The following MYBPC1 variants were observed in gnomAD, a reference collection of about 807,000 sequenced individuals.
MYBPC1 encodes myosin binding protein C1.
In MYBPC1, 52 loss-of-function variants were observed where a neutral mutation model predicts 147.1. The ratio of observed to expected loss-of-function variants is 0.35; its 90% CI spans 0.28 to 0.45. MYBPC1 has a LOEUF of 0.45. Ranked by LOEUF, MYBPC1 falls within the 20% of genes least tolerant of loss-of-function variation. The pLI is 1.00. For synonymous variants in MYBPC1, 477 were observed against 475.9 expected (o/e 1.00, Z -0.03); for missense variants, 1,228 against 1,440.3 (o/e 0.85, Z 2.39).
chr12:101,671,801 C>T (rs886374416), intron 24 of MYBPC1, among the ~76,000 whole-genome samples: 2 of 152,100 alleles, frequency 1.3e-5, no homozygotes, highest in African/African-American at 2.4e-5. Flanking sequence ...GAACAGGGAC[C>T]GCATAGATCT....
At chr12:101,644,198 C>T (rs1593856657) in intron 11 of MYBPC1, among the ~76,000 whole-genome samples, 1 of 151,872 alleles carries the variant, frequency 6.6e-6, no homozygotes, top group Non-Finnish European at 1.5e-5. Flanking sequence ...CACCACACCC[C>T]ACTAATTTTT....
At chr12:101,682,417 G>A (rs1951068241) in intron 29 of MYBPC1, among the ~76,000 whole-genome samples, 187 bp from the exon 30 acceptor site, 1 of 152,112 alleles carries the variant, frequency 6.6e-6, no homozygotes, top group Non-Finnish European at 1.5e-5. Flanking sequence ...TAGTACATAA[G>A]TTCGTAATAA....
At chr12:101,668,473 A>G (rs1347193893) in intron 23 of MYBPC1, among the ~76,000 whole-genome samples, 1 of 151,320 alleles carries the variant, frequency 6.6e-6, no homozygotes, top group South Asian at 2.1e-4. Flanking sequence ...TCTTTTTTTT[A>G]TTTTTGAGAT....
rs931364200 is a variant in MYBPC1 at position 101,649,197 on chromosome 12, T to C, written c.1197-63T>C. ...CTTCAGGATATTGCAATAAGCAAGA[T>C]GGACAAGGTATTTTTCCTGAAGGAT... On this transcript the variant is annotated intron_variant, in intron 14 of 31. Transcript: ENST00000361466. The C allele has an allele frequency of 5.5e-6, 8 of 1,447,586 alleles. No homozygotes were observed. The Admixed American group carries it at 7.1e-5, about 13-fold the overall frequency. 89.7% of individuals were successfully genotyped at this position (1,447,586 alleles called of 1,614,324 possible). A position where few individuals can be genotyped will look rare whatever the true frequency, so the allele number is the denominator to read the frequency against.
intron 3 of MYBPC1, among the ~76,000 whole-genome samples, chr12:101,617,504 T>G (rs780478514): frequency 2.6e-5 from 4 of 152,184 alleles, no homozygotes; most frequent in Non-Finnish European, 5.9e-5. Flanking sequence ...TAATTGGTAG[T>G]TTCCAAGTTT....
the MYBPC1 span, among the ~76,000 whole-genome samples, chr12:101,691,218 C>G: frequency 6.6e-6 from 1 of 152,122 alleles, no homozygotes; most frequent in Non-Finnish European, 1.5e-5. Context: ...ATTGCAGGTG[C>G]ATGCCACCAT....
At chr12:101,676,111 T>C (rs1899922294) in intron 26 of MYBPC1, among the ~76,000 whole-genome samples, 1 of 152,224 alleles carries the variant, frequency 6.6e-6, no homozygotes, top group Non-Finnish European at 1.5e-5. Flanking sequence ...GCTCATCAGC[T>C]ATCGTTAGCG....
chr12:101,650,598 T>A (rs1166857499), intron 15 of MYBPC1, among the ~76,000 whole-genome samples: 2 of 151,970 alleles, frequency 1.3e-5, no homozygotes, highest in Admixed American at 6.6e-5. Flanking sequence ...TTCAATTACC[T>A]CCCACCACGT....
intron 1 of MYBPC1, among the ~76,000 whole-genome samples, chr12:101,606,015 C>T (rs200095389): frequency 6.6e-6 from 1 of 151,728 alleles, no homozygotes; most frequent in East Asian, 1.9e-4. Context: ...AGAAACATGG[C>T]GAAACTTCGT....
At chr12:101,604,381 A>G (rs1257613666) in intron 1 of MYBPC1, among the ~76,000 whole-genome samples, 1 of 152,238 alleles carries the variant, frequency 6.6e-6, no homozygotes. Flanking sequence ...TCAAGGTACA[A>G]TTAGACTTCA....
At chr12:101,671,063 C>T (rs2136664540) in intron 24 of MYBPC1, among the ~76,000 whole-genome samples, 1 of 151,802 alleles carries the variant, frequency 6.6e-6, no homozygotes, top group African/African-American at 2.4e-5. Flanking sequence ...CAGTGCTGTT[C>T]AATAGAACTT....
intron 18 of MYBPC1, 124 bp from the exon 19 acceptor site, chr12:101,659,527 TTACACTATATAGTCCACCAAA>T (rs1896163745): frequency 1.2e-6 from 1 of 830,830 alleles, no homozygotes; most frequent in African/African-American, 1.7e-5. Context: ...CACTATATAG[TTACACTATATAGTCCACCAAA>T]TACACTATAT....
chr12:101,690,186 G>T (rs1384811228), downstream of MYBPC1, among the ~76,000 whole-genome samples: 1 of 151,676 alleles, frequency 6.6e-6, no homozygotes, highest in East Asian at 1.9e-4. Flanking sequence ...AAAAAAAAAA[G>T]AAATGAAAAC....
intron 10 of MYBPC1, among the ~76,000 whole-genome samples, chr12:101,641,640 T>C (rs541172217): frequency 5.3e-5 from 8 of 152,302 alleles, no homozygotes; most frequent in African/African-American, 1.9e-4. Context: ...AGTTTAACAT[T>C]TGTATTTTTA....
At chr12:101,606,579 C>T (rs767675765) in intron 1 of MYBPC1, among the ~76,000 whole-genome samples, 2 of 151,518 alleles carry the variant, frequency 1.3e-5, no homozygotes, top group East Asian at 1.9e-4. Context: ...GATGGGATTA[C>T]AGGCTTGAGC....
chr12:101,666,849 T>A, intron 22 of MYBPC1: 1 of 1,523,154 alleles, frequency 6.6e-7, no homozygotes, highest in South Asian at 1.1e-5. Flanking sequence ...ATAATGTTTC[T>A]GGGAATATTG....
Position 101,668,122 on chromosome 12 carries a change from G to C in MYBPC1, c.2524+223G>C, listed in dbSNP as rs1031315448. 2.0e-5 allele frequency among the ~76,000 whole-genome samples: 3 copies of C among 152,160 alleles called. No individual in the cohort carries two copies. In the East Asian group the frequency reaches 5.8e-4, roughly 29 times the overall value. On this transcript the variant is annotated intron_variant, in intron 23 of 31. Transcript: ENST00000361466. Reference sequence around the variant, plus strand: ...ATCTTGGTACTCTGAGGACCAGTTAGTTAACCTCTCCTGGTTCCAGGAGCC... The same window carrying C: ...ATCTTGGTACTCTGAGGACCAGTTACTTAACCTCTCCTGGTTCCAGGAGCC...
intron 23 of MYBPC1, among the ~76,000 whole-genome samples, chr12:101,668,783 A>C (rs1897985411): frequency 6.6e-6 from 1 of 152,090 alleles, no homozygotes; most frequent in Non-Finnish European, 1.5e-5. Flanking sequence ...GTTCTTAATG[A>C]AGCATAAAAA....
At chr12:101,674,841 G>A (rs1899521415) in intron 25 of MYBPC1, among the ~76,000 whole-genome samples, 1 of 108,586 alleles carries the variant, frequency 9.2e-6, no homozygotes, top group South Asian at 3.1e-4. Context: ...CAGCCTGGGT[G>A]ACAGACCATG....
Sources: allele counts gnomAD v4.1 joint callset (sites outside exome capture counted in the v4.1 genomes callset), GRCh38; gene constraint gnomAD v4.1.1; transcripts MANE v1.5; gene names NCBI Gene and HGNC (gene_info 2026-07-23, HGNC 2026-07-21).